The following SPAG16 variants were observed in gnomAD, a reference collection of about 807,000 sequenced individuals.
SPAG16 encodes sperm associated antigen 16.
Under a neutral mutation model 80.4 loss-of-function variants are expected in SPAG16, and 86 were observed. That is an observed-to-expected ratio of 1.07 (90% CI 0.90 to 1.28). SPAG16 has a LOEUF of 1.28. Among genes scored for constraint, SPAG16 ranks in the 50% most tolerant of loss-of-function variants. The probability of loss-of-function intolerance (pLI) is 0.00; values close to 1 mark genes in which losing one functional copy is unlikely to be tolerated. For missense variants in SPAG16, 870 were observed against 765.3 expected, an observed-to-expected ratio of 1.14 and a Z score of -1.61; for synonymous variants, 294 against 265.9, an observed-to-expected ratio of 1.11 and a Z score of -1.03.
At position 214,177,967 on chromosome 2, in the gene SPAG16, GTATGTATATATATATATATA is replaced by G. The variant is rs780719075; in HGVS notation, c.1720+28705_1720+28724del. ...ATTGTTATATCTAACTTCACAAAGT[GTATGTATATATATATATATA>G]TATATATATATATATATATATATAT... On this transcript the variant is annotated intron_variant, in intron 15 of 15. Transcript: ENST00000331683. Among the ~76,000 whole-genome samples, 4 of 18,168 alleles carry G rather than the reference GTATGTATATATATATATATA, an allele frequency of 2.2e-4. 1 individual carries two copies. Among genetic ancestry groups the G allele is most frequent in the African/African-American group, 6.3e-4 (4 of 6,328 alleles). The allele number at this position is 18,168 out of a possible 152,430, so 11.9% of individuals were successfully genotyped here. A position where few individuals can be genotyped will look rare whatever the true frequency, so the allele number is the denominator to read the frequency against.
intron 10 of SPAG16, among the ~76,000 whole-genome samples, chr2:213,782,662 G>C (rs1296315205): frequency 6.6e-6 from 1 of 152,098 alleles, no homozygotes; most frequent in Non-Finnish European, 1.5e-5. Context: ...GGTTATGGTA[G>C]GTTTTACCAC....
chr2:213,509,005 T>TTTTCC (rs937723605), intron 10 of SPAG16, among the ~76,000 whole-genome samples: 1 of 148,858 alleles, frequency 6.7e-6, no homozygotes, highest in Non-Finnish European at 1.5e-5. Context: ...TTTTCTTTTC[T>TTTTCC]TTTTTTTTTG....
At chr2:214,391,766 A>G (rs537442004) in intron 15 of SPAG16, among the ~76,000 whole-genome samples, 2 of 152,332 alleles carry the variant, frequency 1.3e-5, no homozygotes, top group African/African-American at 4.8e-5. Flanking sequence ...GTCACCAGCT[A>G]CAAAGAATTT....
intron 10 of SPAG16, among the ~76,000 whole-genome samples, chr2:213,791,521 A>G (rs2070703268): frequency 6.6e-6 from 1 of 152,170 alleles, no homozygotes; most frequent in Non-Finnish European, 1.5e-5. Flanking sequence ...ACACAAAATA[A>G]GAGCATTAAA....
chr2:213,923,012 C>G (rs907200486), intron 11 of SPAG16, among the ~76,000 whole-genome samples: 1 of 152,152 alleles, frequency 6.6e-6, no homozygotes, highest in Non-Finnish European at 1.5e-5. Context: ...GTTGGAAGCT[C>G]TAGCAGGTGT....
At chr2:213,700,116 A>T (rs1298284550) in intron 10 of SPAG16, among the ~76,000 whole-genome samples, 1 of 152,192 alleles carries the variant, frequency 6.6e-6, no homozygotes. Flanking sequence ...CATGCATGTA[A>T]TACATCAATG....
At chr2:214,350,332 A>G (rs930580560) in intron 15 of SPAG16, among the ~76,000 whole-genome samples, 2 of 152,216 alleles carry the variant, frequency 1.3e-5, no homozygotes, top group Admixed American at 6.5e-5. Context: ...ATTGTCCCAC[A>G]GGGACATGTC....
intron 10 of SPAG16, among the ~76,000 whole-genome samples, chr2:213,809,964 G>A (rs1196055950): frequency 6.6e-6 from 1 of 152,160 alleles, no homozygotes; most frequent in African/African-American, 2.4e-5. Context: ...GGTTAGTTTA[G>A]ATGATAAACC....
At chr2:213,512,333 C>A (rs1419960088) in intron 10 of SPAG16, among the ~76,000 whole-genome samples, 1 of 152,092 alleles carries the variant, frequency 6.6e-6, no homozygotes, top group African/African-American at 2.4e-5. Flanking sequence ...AGGTATACAT[C>A]AGTTGTCATA....
At chr2:213,571,856 A>G (rs1257810371) in intron 10 of SPAG16, among the ~76,000 whole-genome samples, 2 of 132,032 alleles carry the variant, frequency 1.5e-5, no homozygotes, top group East Asian at 4.2e-4. Flanking sequence ...TCCATTCTCC[A>G]CATCACTTTC....
intron 10 of SPAG16, among the ~76,000 whole-genome samples, chr2:213,709,935 G>A (rs2065911492): frequency 6.6e-6 from 1 of 152,074 alleles, no homozygotes; most frequent in Non-Finnish European, 1.5e-5. Context: ...TTTTGCTATT[G>A]AAATCAATGT....
At chr2:214,126,244 G>A (rs142409313) in intron 14 of SPAG16, among the ~76,000 whole-genome samples, 7 of 151,208 alleles carry the variant, frequency 4.6e-5, no homozygotes, top group African/African-American at 1.4e-4. Context: ...GCTTTCTTTG[G>A]GGGAGAGAAG....
At chr2:213,704,499 GA>G (rs1178512717) in intron 10 of SPAG16, among the ~76,000 whole-genome samples, 1 of 152,108 alleles carries the variant, frequency 6.6e-6, no homozygotes, top group African/African-American at 2.4e-5. Flanking sequence ...CTCTCAAAGA[GA>G]TCTGTCAAGA....
intron 10 of SPAG16, among the ~76,000 whole-genome samples, chr2:213,789,445 G>A (rs1484415025): frequency 6.6e-6 from 1 of 151,946 alleles, no homozygotes; most frequent in Admixed American, 6.6e-5. Flanking sequence ...AATGATCATT[G>A]CCTTTATGTT....
chr2:213,658,343 A>G (rs114497351), intron 10 of SPAG16, among the ~76,000 whole-genome samples: 1,972 of 151,784 alleles, frequency 0.013, 18 homozygotes, highest in South Asian at 0.037. Context: ...TCTTTCCCCA[A>G]CTCATCCAAC....
intron 10 of SPAG16, among the ~76,000 whole-genome samples, chr2:213,783,422 C>T (rs1252597354): frequency 6.8e-6 from 1 of 147,440 alleles, no homozygotes; most frequent in African/African-American, 2.5e-5. Flanking sequence ...TTTTTGAAGG[C>T]AGAGTATCTA....
intron 15 of SPAG16, among the ~76,000 whole-genome samples, chr2:214,300,057 C>T (rs1037433941): frequency 5.3e-5 from 8 of 151,974 alleles, no homozygotes; most frequent in African/African-American, 1.7e-4. Context: ...GCAAAATAAC[C>T]GGTATCTCTA....
intron 10 of SPAG16, among the ~76,000 whole-genome samples, chr2:213,493,798 A>AT (rs1176443330): frequency 5.3e-5 from 8 of 151,348 alleles, no homozygotes; most frequent in Non-Finnish European, 1.2e-4. Flanking sequence ...TTGTTTAAAA[A>AT]TTTTTTTTTC....
chr2:213,666,131 T>A (rs1164432879), intron 10 of SPAG16, among the ~76,000 whole-genome samples: 1 of 152,200 alleles, frequency 6.6e-6, no homozygotes, highest in Non-Finnish European at 1.5e-5. Context: ...GAATAGATTG[T>A]GTTTCCTTTC....
Sources: allele counts gnomAD v4.1 joint callset (sites outside exome capture counted in the v4.1 genomes callset), GRCh38; gene constraint gnomAD v4.1.1; transcripts MANE v1.5; gene names NCBI Gene and HGNC (gene_info 2026-07-23, HGNC 2026-07-21).